IQGAP1: variants seen among roughly 807,000 people sequenced by gnomAD.
The protein encoded by IQGAP1 is ras GTPase-activating-like protein IQGAP1.
In IQGAP1, 66 loss-of-function variants were observed where a neutral mutation model predicts 215.6. The ratio of observed to expected loss-of-function variants is 0.31; its 90% CI spans 0.25 to 0.38. The LOEUF (loss-of-function observed/expected upper bound fraction) is 0.38. IQGAP1 is among the 10% of genes least tolerant of loss of function. The pLI is 1.00. For missense variants in IQGAP1, 1,712 were observed against 1,997.1 expected (o/e 0.86, Z 2.72); for synonymous variants, 772 against 728.7 (o/e 1.06, Z -0.96).
At chr15:90,479,269 A>G (rs559570886) in intron 26 of IQGAP1, among the ~76,000 whole-genome samples, 1 of 152,170 alleles carries the variant, frequency 6.6e-6, no homozygotes, top group Non-Finnish European at 1.5e-5. Flanking sequence ...GAAGTAATGT[A>G]TTGATTTACA....
At position 90,443,643 on chromosome 15, in the gene IQGAP1, G is replaced by A. The variant is rs548703491; in HGVS notation, c.913+165G>A. 3.9e-4 allele frequency among the ~76,000 whole-genome samples: 60 copies of A among 152,214 alleles called. 1 individual carries two copies. Among genetic ancestry groups the A allele is most frequent in the African/African-American group, 1.4e-3 (57 of 41,528 alleles). On this transcript the variant is annotated intron_variant, in intron 9 of 37. Coordinates refer to ENST00000268182, the MANE Select transcript of IQGAP1 (RefSeq NM_003870.4). ...CAATCTTTTGTGTTTCTATGCCTCC[G>A]TTTTAATTATTTATCTTCAGTCAGC...
intron 2 of IQGAP1, among the ~76,000 whole-genome samples, chr15:90,399,773 A>C (rs532079839): frequency 1.2e-4 from 19 of 152,272 alleles, no homozygotes; most frequent in African/African-American, 3.6e-4. Context: ...TCAGCCTCCC[A>C]AAGTGATGGA....
chr15:90,388,501 C>G, intron 1 of IQGAP1, 105 bp downstream of exon 1: 1 of 987,268 alleles, frequency 1.0e-6, no homozygotes, highest in Non-Finnish European at 1.4e-6. Flanking sequence ...GGGCGGCTGC[C>G]GGCAGCTCGG....
chr15:90,390,780 T>A lies in IQGAP1; in HGVS notation c.62T>A (p.Leu21Gln). 6.2e-7 allele frequency: 1 copy of A among 1,605,690 alleles called. No individual in the cohort carries two copies. ...GVARPHYGSVLDNERLTAEEM... is the reference protein window; with the variant it reads ...GVARPHYGSVQDNERLTAEEM... ...TCTTTCTTTTATGTTGTAGCTGTCC[T>A]GGATAATGAAAGACTTACTGCAGAG... The change falls in exon 2 of 38, where the codon CTG becomes CAG. Residue 21 changes from leucine (L) to glutamine (Q), a missense_variant. Transcript: ENST00000268182.
At chr15:90,495,160 G>A (rs1398262492) in intron 36 of IQGAP1, among the ~76,000 whole-genome samples, 1 of 152,182 alleles carries the variant, frequency 6.6e-6, no homozygotes, top group Non-Finnish European at 1.5e-5. Flanking sequence ...AACAATAAGA[G>A]GAGTTTGCTT....
At chr15:90,477,995 T>C (rs564131775) in intron 26 of IQGAP1, 106 bp downstream of exon 26, 1 of 772,690 alleles carries the variant, frequency 1.3e-6, no homozygotes, top group African/African-American at 1.8e-5. Context: ...AGTTTTTCTT[T>C]TCTTTTCTTT....
At chr15:90,444,099 CATT>C (rs568312138) in intron 9 of IQGAP1, among the ~76,000 whole-genome samples, 1 of 151,662 alleles carries the variant, frequency 6.6e-6, no homozygotes, top group East Asian at 1.9e-4. Context: ...TTTAAAGTAA[CATT>C]ATATTTTTGT....
At chr15:90,393,493 G>A (rs1964667218) in intron 2 of IQGAP1, 1 of 151,004 alleles carries the variant, frequency 6.6e-6, no homozygotes, top group African/African-American at 2.5e-5. Context: ...ATAGTTTGTT[G>A]AATCCATGGA....
chr15:90,488,646 G>A (rs1471405250), intron 33 of IQGAP1, among the ~76,000 whole-genome samples: 2 of 152,126 alleles, frequency 1.3e-5, no homozygotes, highest in African/African-American at 4.8e-5. Context: ...AAAAATAAGA[G>A]AAGTTTCAGG....
At chr15:90,400,516 T>C (rs1464438961) in intron 2 of IQGAP1, among the ~76,000 whole-genome samples, 2 of 152,294 alleles carry the variant, frequency 1.3e-5, no homozygotes, top group East Asian at 1.9e-4. Flanking sequence ...GCCAAGATAG[T>C]TGGGTTACAT....
intron 11 of IQGAP1, among the ~76,000 whole-genome samples, chr15:90,451,275 T>C (rs1216949806): frequency 2.0e-5 from 3 of 152,156 alleles, no homozygotes; most frequent in Admixed American, 2.0e-4. Flanking sequence ...AGTGGGGTAA[T>C]TTATTAGCTC....
intron 18 of IQGAP1, among the ~76,000 whole-genome samples, chr15:90,469,044 G>T (rs1349365530): frequency 6.6e-6 from 1 of 152,120 alleles, no homozygotes; most frequent in African/African-American, 2.4e-5. Flanking sequence ...AGTTTTTAAG[G>T]TGAGCTGCTA....
intron 15 of IQGAP1, among the ~76,000 whole-genome samples, chr15:90,459,507 G>A (rs974195383): frequency 3.5e-4 from 53 of 152,136 alleles, no homozygotes; most frequent in Admixed American, 3.4e-3. Context: ...TTGGGTCATC[G>A]GAGTAAAACT....
At chr15:90,466,961 G>A (rs868419064) in intron 17 of IQGAP1, among the ~76,000 whole-genome samples, 3 of 152,044 alleles carry the variant, frequency 2.0e-5, no homozygotes, top group African/African-American at 4.8e-5. Flanking sequence ...GTGTGGTGGC[G>A]TGTGCCTGTA....
At chr15:90,401,919 GA>G (rs1208389954) in intron 2 of IQGAP1, among the ~76,000 whole-genome samples, 2 of 152,090 alleles carry the variant, frequency 1.3e-5, no homozygotes, top group Non-Finnish European at 2.9e-5. Flanking sequence ...TTTAAAGAGG[GA>G]AAAAAATAGA....
chr15:90,424,255 C>G (rs1420322385), intron 2 of IQGAP1, among the ~76,000 whole-genome samples: 2 of 152,190 alleles, frequency 1.3e-5, no homozygotes, highest in Admixed American at 1.3e-4. Context: ...CAATCTTTTC[C>G]ACATTGCCCT....
chr15:90,452,736 C>G (rs779944713), intron 11 of IQGAP1, 39 bp from the exon 12 acceptor site: 4 of 1,606,084 alleles, frequency 2.5e-6, no homozygotes, highest in Non-Finnish European at 3.4e-6. Context: ...TGAGGGCTCT[C>G]TAAGCCCACT....
At chr15:90,460,692 T>A (rs1292129286) in intron 15 of IQGAP1, among the ~76,000 whole-genome samples, 1 of 152,164 alleles carries the variant, frequency 6.6e-6, no homozygotes, top group African/African-American at 2.4e-5. Flanking sequence ...AGCCTTTGGT[T>A]AATTTCTACC....
intron 12 of IQGAP1, 23 bp downstream of exon 12, chr15:90,452,961 GT>G: frequency 6.2e-7 from 1 of 1,611,416 alleles, no homozygotes; most frequent in Non-Finnish European, 8.5e-7. Context: ...AACCTGTCCT[GT>G]TTGTGAGCAA....
Sources: gnomAD v4.1 joint callset for allele counts (sites outside exome capture counted in the v4.1 genomes callset) on GRCh38, gnomAD v4.1.1 for gene constraint, MANE v1.5 for transcripts, NCBI Gene and HGNC (gene_info 2026-07-23, HGNC 2026-07-21) for gene names.